Variants in BICRAL observed in about 807,000 individuals in gnomAD.
BICRAL encodes the protein BICRA like chromatin remodeling complex associated protein.
A neutral mutation model predicts 91.8 loss-of-function variants in BICRAL; 8 were observed. That is an observed-to-expected ratio of 0.09 (90% CI 0.05 to 0.16). The LOEUF (loss-of-function observed/expected upper bound fraction) is 0.16, where lower values mean the gene tolerates loss of function less well. Among genes scored for constraint, BICRAL ranks in the 10% least tolerant of loss-of-function variants. BICRAL has a pLI of 1.00. For missense variants in BICRAL, 1,038 were observed against 1,310.9 expected (o/e 0.79, Z 3.21); for synonymous variants, 445 against 491.1 (o/e 0.91, Z 1.24).
At chr6:42,765,203 T>C (rs1220999416) in intron 1 of BICRAL, among the ~76,000 whole-genome samples, 3 of 152,354 alleles carry the variant, frequency 2.0e-5, no homozygotes, top group South Asian at 4.1e-4. Context: ...AGTTTGCTTT[T>C]ACAAAGTAAC....
intron 1 of BICRAL, among the ~76,000 whole-genome samples, chr6:42,770,406 ATTATTATTT>A (rs1211296470): frequency 4.3e-4 from 50 of 115,980 alleles, no homozygotes; most frequent in African/African-American, 1.8e-3. Context: ...TTTTATTATT[ATTATTATTT>A]TTTTTTTTTT....
At chr6:42,830,341 G>A (rs957838745) in intron 6 of BICRAL, 169 bp downstream of exon 6, 2 of 684,772 alleles carry the variant, frequency 2.9e-6, no homozygotes, top group Non-Finnish European at 4.8e-6. Context: ...CAAGGCTGGA[G>A]GATCACTTGA....
At chr6:42,842,033 T>A (rs1764813347) in intron 6 of BICRAL, among the ~76,000 whole-genome samples, 1 of 152,206 alleles carries the variant, frequency 6.6e-6, no homozygotes, top group Non-Finnish European at 1.5e-5. Context: ...GCGAGTGGTT[T>A]CTGAGCTAAG....
rs140168272 is a variant in BICRAL, at chr6:42,804,657, A to G, written c.-101-5649A>G. On this transcript the variant is annotated intron_variant, in intron 1 of 12. Transcript: ENST00000314073. The stretch of plus-strand genomic sequence containing the variant: ...GGGACATCAAGTGGTCAAGGTGGCA[A>G]AGAACTAAGGGCTTCTTACAGGGAC... 1.6e-3 allele frequency among the ~76,000 whole-genome samples: 240 copies of G among 152,284 alleles called. 1 individual carries two copies. The highest frequency in any genetic ancestry group is 5.5e-3 in the African/African-American group (227 of 41,556).
At chr6:42,758,712 CAAAAAAAAA>C (rs71758339) in intron 1 of BICRAL, among the ~76,000 whole-genome samples, 5 of 103,612 alleles carry the variant, frequency 4.8e-5, no homozygotes, top group African/African-American at 7.6e-5. Context: ...TCGGGGGGTC[CAAAAAAAAA>C]AAAAAAAGAA....
intron 9 of BICRAL, among the ~76,000 whole-genome samples, chr6:42,856,833 G>T (rs1020346340): frequency 6.6e-6 from 1 of 152,064 alleles, no homozygotes; most frequent in South Asian, 2.1e-4. Context: ...CAATGGTCAG[G>T]CACTGCCAAG....
chr6:42,794,794 CAAA>C (rs1207429482), intron 1 of BICRAL, among the ~76,000 whole-genome samples: 6 of 95,208 alleles, frequency 6.3e-5, no homozygotes, highest in East Asian at 2.7e-4. Flanking sequence ...ACTAAAAATA[CAAA>C]AAAAAAAAAA....
chr6:42,851,397 GT>G (rs552615235), intron 6 of BICRAL, among the ~76,000 whole-genome samples: 1,838 of 151,880 alleles, frequency 0.012, 8 homozygotes, highest in Non-Finnish European at 0.018. Flanking sequence ...GATAACATAA[GT>G]TTTTTTTAAG....
chr6:42,769,952 T>A (rs1371334215), intron 1 of BICRAL, among the ~76,000 whole-genome samples: 1 of 152,216 alleles, frequency 6.6e-6, no homozygotes, highest in African/African-American at 2.4e-5. Context: ...TTATAAAAGC[T>A]GGTCACAGTC....
intron 1 of BICRAL, among the ~76,000 whole-genome samples, chr6:42,758,161 ATCT>A (rs749847812): frequency 2.6e-5 from 4 of 151,844 alleles, no homozygotes; most frequent in Non-Finnish European, 4.4e-5. Context: ...CTCCTTCCTC[ATCT>A]TCTTCTCCCT....
chr6:42,779,605 C>T (rs1286967326), upstream of BICRAL, among the ~76,000 whole-genome samples: 1 of 152,160 alleles, frequency 6.6e-6, no homozygotes, highest in South Asian at 2.1e-4. Flanking sequence ...TTTTAAGGCA[C>T]ATTTAAATAT....
At position 42,807,226 on chromosome 6, in the gene BICRAL, G is replaced by A. The variant is rs569270891; in HGVS notation, c.-101-3080G>A. On this transcript the variant is annotated intron_variant, in intron 1 of 12. Transcript: ENST00000314073. The stretch of plus-strand genomic sequence containing the variant: ...TTTGAGACAGAGTCTCACTGTCACC[G>A]AGGCTGGGGTGCAGTAGCTTGATCT... Among the ~76,000 whole-genome samples, 6 of 151,468 alleles carry A rather than the reference G, an allele frequency of 4.0e-5. No individual in the cohort carries two copies. In the East Asian group the frequency reaches 7.9e-4, roughly 20 times the overall value.
At chr6:42,783,330 G>C (rs1266787458) in intron 1 of BICRAL, among the ~76,000 whole-genome samples, 1 of 152,136 alleles carries the variant, frequency 6.6e-6, no homozygotes, top group Non-Finnish European at 1.5e-5. Context: ...GCGCCGGCCA[G>C]AAGAGATGTG....
At chr6:42,796,870 AC>A (rs900597563) in intron 1 of BICRAL, among the ~76,000 whole-genome samples, 1 of 152,062 alleles carries the variant, frequency 6.6e-6, no homozygotes, top group African/African-American at 2.4e-5. Context: ...AACATGGAGA[AC>A]CCCATCCCTA....
intron 1 of BICRAL, among the ~76,000 whole-genome samples, chr6:42,783,546 G>A (rs1763003219): frequency 2.0e-5 from 3 of 152,076 alleles, no homozygotes; most frequent in Admixed American, 6.5e-5. Context: ...CGCCCTCCGA[G>A]GACATCTCGA....
At chr6:42,860,061 T>G (rs1439768255) in intron 10 of BICRAL, among the ~76,000 whole-genome samples, 1 of 152,210 alleles carries the variant, frequency 6.6e-6, no homozygotes, top group Non-Finnish European at 1.5e-5. Flanking sequence ...AAAATGAGTT[T>G]CCATGACCAG....
chr6:42,843,709 A>G (rs1764882750), intron 6 of BICRAL, among the ~76,000 whole-genome samples: 1 of 152,104 alleles, frequency 6.6e-6, no homozygotes, highest in Non-Finnish European at 1.5e-5. Flanking sequence ...TACCTGTAGG[A>G]CAGCCAAATT....
At chr6:42,845,285 A>G (rs773630951) in intron 6 of BICRAL, among the ~76,000 whole-genome samples, 4 of 116,524 alleles carry the variant, frequency 3.4e-5, no homozygotes, top group African/African-American at 3.4e-5. Flanking sequence ...CTGGAGTGCA[A>G]TGGTGCGATC....
At chr6:42,785,836 A>G (rs533664839) in intron 1 of BICRAL, among the ~76,000 whole-genome samples, 55 of 152,030 alleles carry the variant, frequency 3.6e-4, no homozygotes, top group African/African-American at 1.2e-3. Context: ...TGGGCGGATC[A>G]CGAGGTCAGG....
Sources: gnomAD v4.1 joint callset for allele counts (sites outside exome capture counted in the v4.1 genomes callset) on GRCh38, gnomAD v4.1.1 for gene constraint, MANE v1.5 for transcripts, NCBI Gene and HGNC (gene_info 2026-07-23, HGNC 2026-07-21) for gene names.